The following FSIP1 variants were observed in gnomAD, a reference collection of about 807,000 sequenced individuals.
FSIP1 encodes fibrous sheath-interacting protein 1.
A neutral mutation model predicts 60.9 loss-of-function variants in FSIP1; 65 were observed. The observed-to-expected ratio is 1.07, with a 90% confidence interval of 0.87 to 1.31. FSIP1 has a LOEUF of 1.31. FSIP1 is among the 40% of genes most tolerant of loss of function. FSIP1 has a pLI of 0.00. For missense variants in FSIP1, 675 were observed against 665.5 expected (o/e 1.01, Z -0.16); for synonymous variants, 209 against 221.2 (o/e 0.94, Z 0.49).
intron 10 of FSIP1, among the ~76,000 whole-genome samples, chr15:39,681,901 G>C (rs1323263660): frequency 1.3e-5 from 2 of 152,180 alleles, no homozygotes; most frequent in East Asian, 3.8e-4. Flanking sequence ...TTTGGCACCA[G>C]GACCTACTGA....
chr15:39,715,574 C>T (rs145316169), intron 9 of FSIP1, among the ~76,000 whole-genome samples: 10 of 152,224 alleles, frequency 6.6e-5, no homozygotes, highest in East Asian at 3.9e-4. Context: ...ATTAAGAGTG[C>T]GTCAATTTCA....
chr15:39,616,025 T>TA (rs1365910585), intron 11 of FSIP1, among the ~76,000 whole-genome samples: 4 of 152,236 alleles, frequency 2.6e-5, no homozygotes, highest in Non-Finnish European at 5.9e-5. Context: ...TCTCACATTG[T>TA]ATACATACAT....
At chr15:39,692,516 C>T (rs2140506976) in intron 10 of FSIP1, among the ~76,000 whole-genome samples, 1 of 152,276 alleles carries the variant, frequency 6.6e-6, no homozygotes, top group Non-Finnish European at 1.5e-5. Context: ...TTCAATTCTA[C>T]ATCCTAAATA....
chr15:39,692,322 G>A lies in FSIP1; in HGVS notation c.1188+21122C>T, dbSNP rs80159426. Among the ~76,000 whole-genome samples the A allele has an allele frequency of 3.6e-3, 541 of 152,214 alleles. 4 individuals are homozygous for A. The highest frequency in any genetic ancestry group is 5.7e-3 in the Non-Finnish European group (389 of 68,018). On this transcript the variant is annotated intron_variant, in intron 10 of 11. Transcript: ENST00000350221. ...TGTGAAATGCTTTGCAACTATAAAC[G>A]ATTATTCACCTGCATTATAATTATG...
At chr15:39,681,987 A>AT (rs1237566747) in intron 10 of FSIP1, among the ~76,000 whole-genome samples, 1 of 152,086 alleles carries the variant, frequency 6.6e-6, no homozygotes, top group Admixed American at 6.5e-5. Flanking sequence ...CACAAACAGG[A>AT]TTTTTTTTAA....
intron 11 of FSIP1, among the ~76,000 whole-genome samples, chr15:39,610,104 C>T (rs969267618): frequency 1.3e-5 from 2 of 151,818 alleles, no homozygotes; most frequent in African/African-American, 4.8e-5. Context: ...ACTAATAAAG[C>T]CCCAATAATG....
At chr15:39,687,870 A>T (rs1894445152) in intron 10 of FSIP1, among the ~76,000 whole-genome samples, 1 of 152,206 alleles carries the variant, frequency 6.6e-6, no homozygotes, top group African/African-American at 2.4e-5. Flanking sequence ...ATTTTTATGT[A>T]CATCTATATG....
chr15:39,770,435 T>C lies in FSIP1; in HGVS notation c.302A>G (p.Glu101Gly), dbSNP rs755432071. ...LDLVQHQIIS[E>G]CSDEPKLKEL... ...CCTAGTGATTATCCTACCTGAACAC[T>C]CAGAGATTATCTGATGTTGAACCAA... The change falls in exon 3 of 12, where the codon GAG (glutamate) becomes GGG (glycine). Residue 101 changes from glutamate to glycine, a missense_variant. By Grantham distance (98) the Glu-to-Gly change is moderately conservative. Coordinates refer to ENST00000350221, the MANE Select transcript of FSIP1 (RefSeq NM_152597.5). The C allele has an allele frequency of 6.9e-6, 11 of 1,595,856 alleles. No individual in the cohort carries two copies. Among genetic ancestry groups the C allele is most frequent in the South Asian group, 2.3e-5 (2 of 86,888 alleles).
intron 5 of FSIP1, among the ~76,000 whole-genome samples, chr15:39,755,332 C>CA (rs1405954992): frequency 6.6e-6 from 1 of 151,988 alleles, no homozygotes; most frequent in Non-Finnish European, 1.5e-5. Flanking sequence ...AGGCAAGAGG[C>CA]AGAGGATGAA....
At chr15:39,758,987 C>T (rs532167690) in intron 5 of FSIP1, among the ~76,000 whole-genome samples, 2 of 151,912 alleles carry the variant, frequency 1.3e-5, no homozygotes, top group Admixed American at 1.3e-4. Context: ...GGGAAAAAAA[C>T]AAAATCAACT....
chr15:39,769,045 C>T (rs930770666), intron 3 of FSIP1, among the ~76,000 whole-genome samples: 3 of 151,982 alleles, frequency 2.0e-5, no homozygotes, highest in Non-Finnish European at 4.4e-5. Context: ...TTTGGGAGGC[C>T]GAGGCGGGCA....
chr15:39,759,620 G>T (rs1309725009), intron 5 of FSIP1, among the ~76,000 whole-genome samples: 1 of 152,020 alleles, frequency 6.6e-6, no homozygotes, highest in Non-Finnish European at 1.5e-5. Flanking sequence ...CACAAACTTG[G>T]TGGCTTCAAA....
intron 10 of FSIP1, among the ~76,000 whole-genome samples, chr15:39,658,789 A>G (rs1240015234): frequency 6.6e-6 from 1 of 152,216 alleles, no homozygotes; most frequent in Non-Finnish European, 1.5e-5. Context: ...CTGCCGTATG[A>G]CCCAGAAACT....
intron 10 of FSIP1, among the ~76,000 whole-genome samples, chr15:39,625,963 T>G (rs1891622412): frequency 1.3e-5 from 2 of 152,198 alleles, no homozygotes; most frequent in Admixed American, 1.3e-4. Context: ...GGTGAAGGCC[T>G]TCTGTACTCT....
chr15:39,610,905 A>C (rs143541792), intron 11 of FSIP1, among the ~76,000 whole-genome samples: 1,549 of 152,300 alleles, frequency 0.01, 28 homozygotes, highest in African/African-American at 0.035. Flanking sequence ...AGGGATAAAT[A>C]AAAACTTTCC....
chr15:39,632,917 C>G (rs1891962606), intron 10 of FSIP1, among the ~76,000 whole-genome samples: 1 of 152,048 alleles, frequency 6.6e-6, no homozygotes, highest in Non-Finnish European at 1.5e-5. Flanking sequence ...CACAATTTCT[C>G]TCAAATCGGG....
At chr15:39,760,279 T>C (rs1897449843) in intron 5 of FSIP1, among the ~76,000 whole-genome samples, 1 of 152,158 alleles carries the variant, frequency 6.6e-6, no homozygotes, top group Non-Finnish European at 1.5e-5. Context: ...ATCTACTGAT[T>C]GATGCTGAAA....
At chr15:39,744,777 TCACACACACACA>T (rs55691651) in intron 5 of FSIP1, among the ~76,000 whole-genome samples, 4 of 137,966 alleles carry the variant, frequency 2.9e-5, no homozygotes, top group South Asian at 4.8e-4. Flanking sequence ...TCCCCCTCAG[TCACACACACACA>T]CACACACACA....
intron 10 of FSIP1, among the ~76,000 whole-genome samples, chr15:39,681,104 G>C (rs1287842447): frequency 2.0e-5 from 3 of 151,952 alleles, no homozygotes; most frequent in African/African-American, 7.3e-5. Flanking sequence ...AGATTTAACT[G>C]GCATATCTTC....
Sources: allele counts gnomAD v4.1 joint callset (sites outside exome capture counted in the v4.1 genomes callset), GRCh38; gene constraint gnomAD v4.1.1; transcripts MANE v1.5; gene names NCBI Gene and HGNC (gene_info 2026-07-23, HGNC 2026-07-21).